Variants in MYO1H observed in about 807,000 individuals in gnomAD.
The protein encoded by MYO1H is unconventional myosin-Ih.
MYO1H carries 118 observed loss-of-function variants against 149.3 expected under a neutral mutation model. The observed-to-expected ratio is 0.79, with a 90% confidence interval of 0.68 to 0.92. The LOEUF (loss-of-function observed/expected upper bound fraction) is 0.92, where lower values mean the gene tolerates loss of function less well. Among genes scored for constraint, MYO1H ranks in the 40% least tolerant of loss-of-function variants. The pLI is 0.00. For missense variants in MYO1H, 1,212 were observed against 1,280.7 expected, an observed-to-expected ratio of 0.95 and a Z score of 0.82; for synonymous variants, 447 against 465.2, an observed-to-expected ratio of 0.96 and a Z score of 0.50.
Position 109,395,871 on chromosome 12 carries a change from G to T in MYO1H, c.291-513G>T, listed in dbSNP as rs575088631. Among the ~76,000 whole-genome samples the T allele has an allele frequency of 2.8e-5, 4 of 140,778 alleles. No individual in the cohort carries two copies. The East Asian group carries it at 9.1e-4, about 32-fold the overall frequency. The allele number at this position is 140,778 out of a possible 152,430, so 92.4% of individuals were successfully genotyped here. A position where few individuals can be genotyped will look rare whatever the true frequency, so the allele number is the denominator to read the frequency against. On this transcript the variant is annotated intron_variant, in intron 3 of 31. Coordinates refer to ENST00000310903, the Ensembl canonical transcript of MYO1H. Reference sequence around the variant, plus strand: ...TTGTTTTTTTGTTTTTCGGGTTTGGGTTTTTTTGTTTTGTTTTTTGTTGGT... The same window carrying T: ...TTGTTTTTTTGTTTTTCGGGTTTGGTTTTTTTTGTTTTGTTTTTTGTTGGT...
intron 9 of MYO1H, 72 bp downstream of exon 9, chr12:109,406,932 G>C (rs1347001190): frequency 7.0e-7 from 1 of 1,418,784 alleles, no homozygotes; most frequent in Non-Finnish European, 9.9e-7. Context: ...ACAGCAGGGT[G>C]GTGGCCTCAG....
the MYO1H span, among the ~76,000 whole-genome samples, chr12:109,336,974 A>G: frequency 6.6e-6 from 1 of 152,186 alleles, no homozygotes; most frequent in African/African-American, 2.4e-5. Flanking sequence ...CACACTTACT[A>G]GAAGGAGGGA....
At chr12:109,376,334 A>C (rs1869087199) in intron 1 of MYO1H, among the ~76,000 whole-genome samples, 1 of 152,202 alleles carries the variant, frequency 6.6e-6, no homozygotes, top group African/African-American at 2.4e-5. Flanking sequence ...CATATAAATG[A>C]AGTCATATAG....
chr12:109,419,941 G>A (rs1458977402), intron 15 of MYO1H, among the ~76,000 whole-genome samples: 1 of 151,916 alleles, frequency 6.6e-6, no homozygotes, highest in African/African-American at 2.4e-5. Flanking sequence ...ATTATTAACT[G>A]ATTAAGTTTT....
At chr12:109,379,564 A>G (rs576757038) in intron 1 of MYO1H, among the ~76,000 whole-genome samples, 112 of 152,284 alleles carry the variant, frequency 7.4e-4, no homozygotes, top group Non-Finnish European at 1.2e-3. Context: ...AGTTCTAAAA[A>G]ATAATGAGGA....
At chr12:109,401,019 C>T (rs939438031) in intron 5 of MYO1H, 74 bp from the exon 6 acceptor site, 10 of 1,322,802 alleles carry the variant, frequency 7.6e-6, no homozygotes, top group African/African-American at 4.4e-5. Context: ...CTTAGAACTT[C>T]GGGCCATCAG....
rs147361446 is a variant in MYO1H at position 109,443,621 on chromosome 12, G to A, written c.2796G>A (p.Lys932=). ...ACGTGGTGGAACTTGCCAAAATCAA[G>A]CAGAAAATAGAGTACTCAGCTCTCA... is the stretch of plus-strand genomic sequence containing the variant. The change falls in exon 28 of 32, where the codon AAG becomes AAA. Residue 932 remains lysine, a synonymous_variant. Transcript: ENST00000310903. 2.1e-4 allele frequency: 332 copies of A among 1,613,296 alleles called. 3 individuals carry two copies. In the East Asian group the frequency reaches 5.0e-3, roughly 24 times the overall value.
At chr12:109,436,371 C>T in intron 21 of MYO1H, 117 bp from the exon 22 acceptor site, 1 of 707,694 alleles carries the variant, frequency 1.4e-6, no homozygotes, top group Non-Finnish European at 2.5e-6. Context: ...TGAAACATCA[C>T]TACACCACAG....
rs1164807923 is a variant in MYO1H, at chr12:109,401,162, G to C, written c.640G>C (p.Gly214Arg). ...GTCCCGAGTTGTCTACCAAAACGAA[G>C]GCGAGCGGAATTTCCACATCTTCTA... The change falls in exon 6 of 32, where the codon GGC becomes CGC. Residue 214 changes from glycine to arginine, a missense_variant. Transcript: ENST00000310903. The C allele has an allele frequency of 1.9e-6, 3 of 1,613,788 alleles. No homozygotes were observed. In the South Asian group the frequency reaches 3.3e-5, roughly 18 times the overall value.
intron 15 of MYO1H, among the ~76,000 whole-genome samples, chr12:109,417,125 T>C (rs968189188): frequency 2.0e-4 from 31 of 152,182 alleles, no homozygotes; most frequent in African/African-American, 7.5e-4. Flanking sequence ...GAGCTGAGAT[T>C]GTGCTGCTGC....
At position 109,433,039 on chromosome 12, in the gene MYO1H, C is replaced by G. The variant is rs780458986; in HGVS notation, c.2063+29C>G. ...AGTGACCAGAAGACCACCAAATGGTCTCTTCCCTTGACATCAAAGGGTTTT... is the reference window on the plus strand; with the variant it reads ...AGTGACCAGAAGACCACCAAATGGTGTCTTCCCTTGACATCAAAGGGTTTT... On this transcript the variant is annotated intron_variant, in intron 20 of 31. Transcript: ENST00000310903. 6.4e-6 allele frequency: 10 copies of G among 1,571,718 alleles called. No individual in the cohort carries two copies. The East Asian group carries it at 1.1e-4, about 18-fold the overall frequency.
intron 1 of MYO1H, among the ~76,000 whole-genome samples, chr12:109,370,359 A>T (rs145174695): frequency 7.9e-5 from 12 of 152,318 alleles, no homozygotes; most frequent in Admixed American, 2.0e-4. Context: ...CATCTCTATC[A>T]TGCCAAGGTC....
At chr12:109,396,353 C>A in intron 3 of MYO1H, 31 bp from the exon 4 acceptor site, 1 of 1,562,366 alleles carries the variant, frequency 6.4e-7, no homozygotes, top group Non-Finnish European at 8.7e-7. Context: ...ACCATTAAAA[C>A]GAATTTGTTT....
At chr12:109,313,860 A>T in the MYO1H span, among the ~76,000 whole-genome samples, 1 of 151,924 alleles carries the variant, frequency 6.6e-6, no homozygotes, top group Non-Finnish European at 1.5e-5. Context: ...GCATTCCTTT[A>T]TGAAAAGTGT....
chr12:109,437,952 G>A (rs1871935524), intron 22 of MYO1H, among the ~76,000 whole-genome samples: 2 of 151,876 alleles, frequency 1.3e-5, no homozygotes, highest in African/African-American at 4.8e-5. Flanking sequence ...ATTAGGCGTG[G>A]TGGTGCACAC....
At chr12:109,393,965 C>G (rs910379593) in intron 3 of MYO1H, among the ~76,000 whole-genome samples, 5 of 152,154 alleles carry the variant, frequency 3.3e-5, no homozygotes, top group Admixed American at 2.6e-4. Context: ...GCTAAGAGGA[C>G]TGCTCGTTGG....
chr12:109,414,476 C>CAAAAAAAAA (rs1158287635), intron 14 of MYO1H, among the ~76,000 whole-genome samples: 1 of 57,402 alleles, frequency 1.7e-5, no homozygotes, highest in African/African-American at 6.0e-5. Flanking sequence ...GACTCCATCT[C>CAAAAAAAAA]AAAAAAAAAA....
chr12:109,418,027 A>G (rs991624623), intron 15 of MYO1H, among the ~76,000 whole-genome samples: 4 of 151,830 alleles, frequency 2.6e-5, no homozygotes, highest in African/African-American at 9.7e-5. Context: ...CGTGTTAGCC[A>G]GGATGGTCTC....
exon 7 of MYO1H, chr12:109,404,024 T>C (rs1301519950): frequency 1.2e-6 from 2 of 1,613,832 alleles, no homozygotes; most frequent in East Asian, 4.5e-5. Flanking sequence ...CAAGAATGAC[T>C]GGAAAACTGT....
Sources: gnomAD v4.1 joint callset for allele counts (sites outside exome capture counted in the v4.1 genomes callset) on GRCh38, gnomAD v4.1.1 for gene constraint, MANE v1.5 for transcripts, NCBI Gene and HGNC (gene_info 2026-07-23, HGNC 2026-07-21) for gene names.